MTARC2: variants seen among roughly 807,000 people sequenced by gnomAD.
MTARC2 encodes the protein mitochondrial amidoxime reducing component 2.
In MTARC2, 27 loss-of-function variants were observed where a neutral mutation model predicts 35.6. The ratio of observed to expected loss-of-function variants is 0.76; its 90% CI spans 0.56 to 1.04. The LOEUF (loss-of-function observed/expected upper bound fraction) is 1.04, where lower values mean the gene tolerates loss of function less well. MTARC2 is among the 50% of genes least tolerant of loss of function. MTARC2 has a pLI of 0.00. For synonymous variants in MTARC2, 158 were observed against 167.1 expected, an observed-to-expected ratio of 0.95 and a Z score of 0.42; for missense variants, 412 against 432.5, an observed-to-expected ratio of 0.95 and a Z score of 0.42.
chr1:220,773,276 G>A (rs192199104), intron 4 of MTARC2, among the ~76,000 whole-genome samples: 111 of 152,260 alleles, frequency 7.3e-4, no homozygotes, highest in African/African-American at 2.6e-3. Context: ...TGAAAGATGG[G>A]GTTTGGAGAG....
chr1:220,761,242 G>A (rs912572990), intron 2 of MTARC2, among the ~76,000 whole-genome samples: 9 of 152,194 alleles, frequency 5.9e-5, no homozygotes, highest in East Asian at 1.9e-4. Context: ...GAGAATGGCC[G>A]AGTTCCAATT....
At chr1:220,772,530 A>T (rs1371778070) in intron 4 of MTARC2, among the ~76,000 whole-genome samples, 1 of 152,162 alleles carries the variant, frequency 6.6e-6, no homozygotes, top group Non-Finnish European at 1.5e-5. Context: ...AGTCTCTGAG[A>T]TAGATGCTAA....
intron 2 of MTARC2, among the ~76,000 whole-genome samples, chr1:220,759,997 C>T (rs972875801): frequency 2.0e-5 from 3 of 152,144 alleles, no homozygotes; most frequent in African/African-American, 7.2e-5. Flanking sequence ...CTCAGGAGTC[C>T]TCACACTGGT....
intron 4 of MTARC2, among the ~76,000 whole-genome samples, chr1:220,769,545 G>T (rs1157916125): frequency 1.3e-5 from 2 of 152,158 alleles, no homozygotes; most frequent in East Asian, 3.9e-4. Flanking sequence ...CTGGGCTAGG[G>T]TTTTCCAGGG....
At chr1:220,782,200 C>T (rs999057509) in intron 7 of MTARC2, among the ~76,000 whole-genome samples, 4 of 152,112 alleles carry the variant, frequency 2.6e-5, no homozygotes, top group African/African-American at 9.7e-5. Flanking sequence ...ATGTTCACAG[C>T]TCATTACAGA....
At chr1:220,771,034 C>G (rs1452205064) in intron 4 of MTARC2, among the ~76,000 whole-genome samples, 2 of 152,212 alleles carry the variant, frequency 1.3e-5, no homozygotes, top group African/African-American at 4.8e-5. Flanking sequence ...CTCCGTGGCT[C>G]ACGCCTGTAA....
intron 1 of MTARC2, chr1:220,754,403 T>C: frequency 2.2e-6 from 1 of 455,576 alleles, no homozygotes; most frequent in East Asian, 7.0e-5. Context: ...GTTTGGGAGG[T>C]TTCCTGATGT....
intron 4 of MTARC2, among the ~76,000 whole-genome samples, chr1:220,765,114 T>C (rs1271124895): frequency 6.6e-6 from 1 of 152,124 alleles, no homozygotes; most frequent in African/African-American, 2.4e-5. Flanking sequence ...GGCCTGGGCA[T>C]GGGGAGGGGT....
intron 4 of MTARC2, among the ~76,000 whole-genome samples, chr1:220,774,491 C>T (rs899944323): frequency 1.3e-5 from 2 of 152,132 alleles, no homozygotes; most frequent in Non-Finnish European, 2.9e-5. Context: ...TTGTTTCTAA[C>T]AATTGTGCGT....
intron 1 of MTARC2, among the ~76,000 whole-genome samples, chr1:220,753,237 GAAAAA>G (rs532520758): frequency 6.9e-6 from 1 of 145,134 alleles, no homozygotes; most frequent in African/African-American, 2.5e-5. Context: ...CAGAAAAAAA[GAAAAA>G]AAAAAGAAAG....
At position 220,748,688 on chromosome 1, in the gene MTARC2, C is replaced by T; in HGVS notation, c.157C>T (p.Gln53Ter). The change falls in exon 1 of 8, where the codon CAG becomes TAG. Residue 53 changes from glutamine to a stop codon, truncating the protein, a stop_gained. Coordinates refer to ENST00000366913, the MANE Select transcript of MTARC2 (RefSeq NM_017898.5). LOFTEE classifies it high-confidence loss of function. ...GCCCAGGCGGCGCCGGCGGCTGCAG[C>T]AGGTGGGCACCGTGGCGAAGCTCTG... ...AWPRRRRRLQ[Q>*]VGTVAKLWIY... is the part of the protein sequence containing the mutation. 6.3e-7 allele frequency: 1 copy of T among 1,589,042 alleles called. No homozygotes were observed. Among genetic ancestry groups the T allele is most frequent in the East Asian group, 2.3e-5 (1 of 42,810 alleles).
At chr1:220,774,114 G>A (rs1049890399) in intron 4 of MTARC2, among the ~76,000 whole-genome samples, 2 of 150,366 alleles carry the variant, frequency 1.3e-5, no homozygotes, top group African/African-American at 4.9e-5. Flanking sequence ...CGCCCATGCT[G>A]GAGTGCGGTG....
At chr1:220,765,327 C>T (rs1365880167) in intron 4 of MTARC2, among the ~76,000 whole-genome samples, 1 of 152,168 alleles carries the variant, frequency 6.6e-6, no homozygotes, top group Admixed American at 6.5e-5. Flanking sequence ...GTTAGGGAGG[C>T]TGCACTGGAG....
At position 220,755,112 on chromosome 1, in the gene MTARC2, C is replaced by T. The variant is rs1207938239; in HGVS notation, c.438C>T (p.His146=). 27 of 1,605,222 alleles carry T rather than the reference C, an allele frequency of 1.7e-5. No homozygotes were observed. Among genetic ancestry groups the T allele is most frequent in the Non-Finnish European group, 2.3e-5 (27 of 1,176,198 alleles). ...AGCAGCCTTCCTCAAACAAACTCCACAACTGCAGGTGTTCCGCTTGGGGGC... is the reference window on the plus strand; with the variant it reads ...AGCAGCCTTCCTCAAACAAACTCCATAACTGCAGGTGTTCCGCTTGGGGGC... ...PSKQPSSNKL[H]NCRIFGLDIK... Residue 146 remains histidine, a synonymous_variant, in exon 2 of 8, where the codon CAC becomes CAT. Transcript: ENST00000366913.
intron 6 of MTARC2, among the ~76,000 whole-genome samples, chr1:220,781,398 G>A (rs1558077626): frequency 6.6e-6 from 1 of 152,180 alleles, no homozygotes; most frequent in Non-Finnish European, 1.5e-5. Context: ...TGAAAGCATG[G>A]TGCTTAAATG....
chr1:220,763,142 G>T (rs1168333838), intron 4 of MTARC2, 92 bp downstream of exon 4: 1 of 1,556,776 alleles, frequency 6.4e-7, no homozygotes, highest in South Asian at 1.1e-5. Flanking sequence ...ACTCAGATCC[G>T]CCAGGGTCCA....
chr1:220,778,451 C>A (rs997150835), intron 4 of MTARC2, among the ~76,000 whole-genome samples: 2 of 151,972 alleles, frequency 1.3e-5, no homozygotes, highest in Non-Finnish European at 2.9e-5. Flanking sequence ...TTTTAAGCAA[C>A]CGGATCTCGC....
chr1:220,782,382 G>A (rs370400758), intron 7 of MTARC2, among the ~76,000 whole-genome samples: 1 of 152,124 alleles, frequency 6.6e-6, no homozygotes, highest in Non-Finnish European at 1.5e-5. Flanking sequence ...TATTTTTAAA[G>A]TATAATTGAA....
intron 1 of MTARC2, chr1:220,754,323 C>A (rs1410961038): frequency 2.2e-6 from 1 of 456,256 alleles, no homozygotes; most frequent in Non-Finnish European, 4.4e-6. Flanking sequence ...AAGTGGGATT[C>A]TTATCTAACA....
Sources: allele counts gnomAD v4.1 joint callset (sites outside exome capture counted in the v4.1 genomes callset), GRCh38; gene constraint gnomAD v4.1.1; transcripts MANE v1.5; gene names NCBI Gene and HGNC (gene_info 2026-07-23, HGNC 2026-07-21).